DIAPH2: variants seen among roughly 807,000 people sequenced by gnomAD.
DIAPH2 encodes protein diaphanous homolog 2.
Under a neutral mutation model 92.7 loss-of-function variants are expected in DIAPH2, and 35 were observed. That is an observed-to-expected ratio of 0.38 (90% confidence interval 0.29 to 0.50). DIAPH2 has a LOEUF of 0.50. DIAPH2 is among the 20% of genes least tolerant of loss of function. DIAPH2 has a pLI of 0.94. For missense variants in DIAPH2, 701 were observed against 819.5 expected (o/e 0.86, Z 1.77); for synonymous variants, 301 against 280.4 (o/e 1.07, Z -0.73).
intron 26 of DIAPH2, among the ~76,000 whole-genome samples, chrX:97,445,398 C>T (rs2070299215): frequency 9.1e-6 from 1 of 110,063 alleles, no homozygotes; most frequent in Admixed American, 9.7e-5. Flanking sequence ...TGTTTATCTC[C>T]CTCGTAACAC....
chrX:97,289,213 C>A (rs900119332), intron 23 of DIAPH2, among the ~76,000 whole-genome samples: 1 of 111,809 alleles, frequency 8.9e-6, no homozygotes, highest in Non-Finnish European at 1.9e-5. Flanking sequence ...CTATAATCTT[C>A]CCAGGTGTTG....
intron 4 of DIAPH2, among the ~76,000 whole-genome samples, chrX:96,765,168 T>TGA (rs1177921789): frequency 9.5e-6 from 1 of 105,351 alleles, no homozygotes; most frequent in Admixed American, 1.0e-4. Context: ...TAATACATTT[T>TGA]GAGAGAGAGA....
intron 17 of DIAPH2, among the ~76,000 whole-genome samples, chrX:97,002,543 T>C (rs956750039): frequency 8.9e-5 from 10 of 111,792 alleles, no homozygotes; most frequent in Non-Finnish European, 1.7e-4. Flanking sequence ...TTCCTTATTA[T>C]TTTTACTTGC....
intron 21 of DIAPH2, among the ~76,000 whole-genome samples, chrX:97,122,697 T>C (rs374200842): frequency 3.9e-4 from 44 of 112,171 alleles, no homozygotes; most frequent in African/African-American, 1.4e-3. Context: ...TAATTTGTCT[T>C]GAAAAAAATT....
intron 23 of DIAPH2, among the ~76,000 whole-genome samples, chrX:97,269,394 TG>T (rs1420570527): frequency 1.8e-5 from 2 of 112,243 alleles, no homozygotes; most frequent in Non-Finnish European, 3.8e-5. Context: ...AGATAACGTG[TG>T]GGAAATTCCT....
intron 23 of DIAPH2, among the ~76,000 whole-genome samples, chrX:97,336,545 A>G (rs1388754363): frequency 9.1e-6 from 1 of 110,274 alleles, no homozygotes; most frequent in Non-Finnish European, 1.9e-5. Flanking sequence ...CACAGCTCCC[A>G]GCCTGCAGTC....
chrX:96,715,085 C>G lies in DIAPH2; in HGVS notation c.133-20673C>G, dbSNP rs191884161. 6.0e-4 allele frequency among the ~76,000 whole-genome samples: 67 copies of G among 112,147 alleles called. No individual in the cohort carries two copies. In the East Asian group the frequency reaches 6.4e-3, roughly 11 times the overall value. ...AAGCAAGGGACATTTCTTGACTTCT[C>G]TTAAATGCCATGAATGATTAAATAG... On this transcript the variant is annotated intron_variant, in intron 1 of 26. Coordinates refer to ENST00000324765, the MANE Select transcript of DIAPH2 (RefSeq NM_006729.5).
chrX:97,355,369 T>A (rs2069256041), intron 24 of DIAPH2, among the ~76,000 whole-genome samples: 1 of 110,155 alleles, frequency 9.1e-6, no homozygotes, highest in Admixed American at 9.8e-5. Flanking sequence ...TGACTTAAGT[T>A]GTTTTGACAC....
At chrX:97,342,323 A>G (rs2069119614) in intron 23 of DIAPH2, among the ~76,000 whole-genome samples, 1 of 112,234 alleles carries the variant, frequency 8.9e-6, no homozygotes, top group Non-Finnish European at 1.9e-5. Context: ...CAGTGTTAGA[A>G]TGAGCCTTTA....
At chrX:97,359,604 A>T (rs1602533975) in intron 24 of DIAPH2, among the ~76,000 whole-genome samples, 1 of 86,101 alleles carries the variant, frequency 1.2e-5, no homozygotes, top group African/African-American at 4.6e-5. Context: ...TATGATACAG[A>T]GTCTCGCTCT....
chrX:96,737,994 T>A (rs2064097575), intron 2 of DIAPH2, among the ~76,000 whole-genome samples: 1 of 111,715 alleles, frequency 9.0e-6, no homozygotes, highest in Non-Finnish European at 1.9e-5. Context: ...ATTTCAGAGA[T>A]GAGGAAACAG....
intron 1 of DIAPH2, among the ~76,000 whole-genome samples, chrX:96,718,713 G>A (rs2063970944): frequency 9.0e-6 from 1 of 111,055 alleles, no homozygotes; most frequent in African/African-American, 3.3e-5. Context: ...CCAAATCTTG[G>A]CTGTTATGAA....
intron 5 of DIAPH2, among the ~76,000 whole-genome samples, chrX:96,888,566 C>CAT (rs1348164166): frequency 3.1e-4 from 16 of 51,693 alleles, no homozygotes; most frequent in Middle Eastern, 0.011. Flanking sequence ...TATATATATA[C>CAT]ACAGATATAT....
chrX:97,244,444 A>C (rs2068122572), intron 22 of DIAPH2, among the ~76,000 whole-genome samples: 1 of 111,956 alleles, frequency 8.9e-6, no homozygotes, highest in Admixed American at 9.5e-5. Context: ...ACAGAAAGTT[A>C]GGGAGGAAAA....
chrX:97,209,376 A>G (rs2067821765), intron 22 of DIAPH2, among the ~76,000 whole-genome samples: 1 of 111,529 alleles, frequency 9.0e-6, no homozygotes, highest in South Asian at 3.8e-4. Context: ...AAAAACAAGC[A>G]AATGCCCAAA....
At chrX:97,101,341 G>C (rs775491869) in intron 20 of DIAPH2, among the ~76,000 whole-genome samples, 1 of 110,809 alleles carries the variant, frequency 9.0e-6, no homozygotes, top group Admixed American at 9.7e-5. Context: ...GTACCACACT[G>C]AGGAAATGAA....
chrX:97,052,237 A>G (rs1369872256), intron 17 of DIAPH2, among the ~76,000 whole-genome samples: 1 of 111,403 alleles, frequency 9.0e-6, no homozygotes, highest in African/African-American at 3.3e-5. Context: ...GTGCCTTTAC[A>G]GCTGAGTAGA....
intron 23 of DIAPH2, among the ~76,000 whole-genome samples, chrX:97,272,134 G>A (rs994935774): frequency 9.0e-5 from 10 of 110,586 alleles, no homozygotes; most frequent in African/African-American, 3.3e-4. Flanking sequence ...AAGTAGCTGG[G>A]ACTACAGGCA....
chrX:97,361,101 A>T (rs759155206), intron 24 of DIAPH2, among the ~76,000 whole-genome samples: 78 of 101,606 alleles, frequency 7.7e-4, no homozygotes, highest in African/African-American at 2.8e-3. Flanking sequence ...TATGTTGCCC[A>T]GGCTGGTCTT....
Sources: allele counts gnomAD v4.1 joint callset (sites outside exome capture counted in the v4.1 genomes callset), GRCh38; gene constraint gnomAD v4.1.1; transcripts MANE v1.5; gene names NCBI Gene and HGNC (gene_info 2026-07-23, HGNC 2026-07-21).